The following TUSC3 variants were observed in gnomAD, a reference collection of about 807,000 sequenced individuals.
TUSC3 encodes dolichyl-diphosphooligosaccharide--protein glycosyltransferase subunit TUSC3.
Under a neutral mutation model 44.8 loss-of-function variants are expected in TUSC3, and 45 were observed. That is an observed-to-expected ratio of 1.00 (90% CI 0.79 to 1.29). The LOEUF is 1.29. Ranked by LOEUF, TUSC3 falls within the 50% of genes most tolerant of loss-of-function variation. The probability of loss-of-function intolerance (pLI) is 0.00; values close to 1 mark genes in which losing one functional copy is unlikely to be tolerated. For synonymous variants in TUSC3, 212 were observed against 152.9 expected (o/e 1.39, Z -2.85); for missense variants, 519 against 437.9 (o/e 1.19, Z -1.65).
chr8:15,449,157 A>C (rs893616469), intron 1 of TUSC3, among the ~76,000 whole-genome samples: 1 of 152,228 alleles, frequency 6.6e-6, no homozygotes, highest in South Asian at 2.1e-4. Flanking sequence ...AGCTGAAAAC[A>C]GGTATTTCCA....
chr8:15,733,968 C>T (rs180773307), intron 7 of TUSC3, among the ~76,000 whole-genome samples: 35 of 152,180 alleles, frequency 2.3e-4, no homozygotes, highest in Middle Eastern at 3.4e-3. Flanking sequence ...CACTTGAGCC[C>T]GGGAGGTCAA....
intron 6 of TUSC3, among the ~76,000 whole-genome samples, chr8:15,713,812 T>C (rs1809955775): frequency 6.6e-6 from 1 of 152,080 alleles, no homozygotes; most frequent in African/African-American, 2.4e-5. Flanking sequence ...TCTGAGGTAC[T>C]GGGGGTTTTG....
At chr8:15,586,621 G>C (rs918448809) in intron 1 of TUSC3, among the ~76,000 whole-genome samples, 1 of 152,100 alleles carries the variant, frequency 6.6e-6, no homozygotes. Flanking sequence ...AAATCATTTG[G>C]AGTGAGAAAC....
intron 2 of TUSC3, among the ~76,000 whole-genome samples, chr8:15,499,062 A>T (rs994322562): frequency 2.0e-5 from 3 of 151,642 alleles, no homozygotes; most frequent in Non-Finnish European, 2.9e-5. Flanking sequence ...TTCTTCTCCA[A>T]CTTGCCCCAA....
At chr8:15,640,704 C>T (rs989252461) in intron 2 of TUSC3, among the ~76,000 whole-genome samples, 1 of 152,190 alleles carries the variant, frequency 6.6e-6, no homozygotes, top group South Asian at 2.1e-4. Flanking sequence ...TTGATACTGG[C>T]ATATATTTTT....
At position 15,650,802 on chromosome 8, in the gene TUSC3, C is replaced by T. The variant is rs201005108; in HGVS notation, c.414C>T (p.Asp138=). ...TGGTGGACTATGATGAGGGGACAGA[C>T]GTTTTTCAGCAGGTAAAGAGTTATA... ...FSMVDYDEGT[D]VFQQLNMNSA... Residue 138 remains aspartate (D), a synonymous_variant, in exon 3 of 11, where the codon GAC becomes GAT. Coordinates refer to ENST00000503731, the MANE Select transcript of TUSC3 (RefSeq NM_006765.4). 8.1e-6 allele frequency: 13 copies of T among 1,613,712 alleles called. No homozygotes were observed. In the East Asian group the frequency reaches 1.1e-4, roughly 14 times the overall value.
At chr8:15,809,805 A>G in the TUSC3 span, among the ~76,000 whole-genome samples, 1 of 152,186 alleles carries the variant, frequency 6.6e-6, no homozygotes, top group African/African-American at 2.4e-5. Context: ...ACAGTTCTCA[A>G]CATTTGGCTT....
chr8:15,841,182 T>C, the TUSC3 span, among the ~76,000 whole-genome samples: 263 of 152,010 alleles, frequency 1.7e-3, no homozygotes, highest in South Asian at 4.8e-3. Flanking sequence ...TATATATATA[T>C]ACACACACAC....
At chr8:15,551,657 T>C (rs1046327803) in intron 1 of TUSC3, among the ~76,000 whole-genome samples, 3 of 151,796 alleles carry the variant, frequency 2.0e-5, no homozygotes, top group Non-Finnish European at 4.4e-5. Context: ...ATAGGTGTTA[T>C]ATACCACAGT....
At chr8:15,721,104 G>C (rs1430874116) in intron 6 of TUSC3, among the ~76,000 whole-genome samples, 1 of 152,036 alleles carries the variant, frequency 6.6e-6, no homozygotes, top group Admixed American at 6.6e-5. Flanking sequence ...TATAGACTTT[G>C]CTTGATAATA....
At chr8:15,843,524 G>C in the TUSC3 span, among the ~76,000 whole-genome samples, 1 of 150,846 alleles carries the variant, frequency 6.6e-6, no homozygotes, top group African/African-American at 2.4e-5. Context: ...TAAAGTTGAT[G>C]GTAGAATTTT....
chr8:15,513,679 G>A (rs148866850), intron 2 of TUSC3, among the ~76,000 whole-genome samples: 52 of 151,104 alleles, frequency 3.4e-4, no homozygotes, highest in African/African-American at 1.2e-3. Context: ...CAGTCGTTTT[G>A]GGTAAAGTCT....
chr8:15,650,874 G>C, intron 3 of TUSC3, 60 bp downstream of exon 3: 1 of 1,536,862 alleles, frequency 6.5e-7, no homozygotes. Flanking sequence ...ATACATTTTT[G>C]TTTGTCACAT....
chr8:15,622,051 C>A (rs1805270691), intron 1 of TUSC3, among the ~76,000 whole-genome samples: 1 of 152,136 alleles, frequency 6.6e-6, no homozygotes, highest in African/African-American at 2.4e-5. Flanking sequence ...TCTCTGTGAG[C>A]CACTTTTCCT....
intron 1 of TUSC3, among the ~76,000 whole-genome samples, chr8:15,594,664 G>A (rs1055443957): frequency 3.3e-5 from 5 of 152,058 alleles, no homozygotes; most frequent in African/African-American, 1.2e-4. Flanking sequence ...AATGTCTTAT[G>A]AGATTTTTCA....
intron 9 of TUSC3, among the ~76,000 whole-genome samples, chr8:15,757,583 G>A (rs1197093592): frequency 6.6e-6 from 1 of 152,112 alleles, no homozygotes; most frequent in Non-Finnish European, 1.5e-5. Flanking sequence ...CTGAGTCCTG[G>A]CTTTGTAAAA....
chr8:15,600,799 T>C (rs1804254352), intron 1 of TUSC3, among the ~76,000 whole-genome samples: 1 of 151,718 alleles, frequency 6.6e-6, no homozygotes, highest in African/African-American at 2.4e-5. Context: ...TTGTTAGCAT[T>C]ATTGATCTTG....
At chr8:15,608,269 A>G (rs181858724) in intron 1 of TUSC3, among the ~76,000 whole-genome samples, 5 of 151,410 alleles carry the variant, frequency 3.3e-5, no homozygotes, top group Admixed American at 1.3e-4. Flanking sequence ...TCTCTTTTCC[A>G]TGAGTGTTTA....
At chr8:15,543,740 GT>G (rs533344536) in intron 1 of TUSC3, among the ~76,000 whole-genome samples, 43 of 143,990 alleles carry the variant, frequency 3.0e-4, no homozygotes, top group South Asian at 4.4e-4. Flanking sequence ...TTTTGAATTG[GT>G]TTTTTTTTTT....
Sources: allele counts gnomAD v4.1 joint callset (sites outside exome capture counted in the v4.1 genomes callset), GRCh38; gene constraint gnomAD v4.1.1; transcripts MANE v1.5; gene names NCBI Gene and HGNC (gene_info 2026-07-23, HGNC 2026-07-21).